Variants in SLC22A13 observed in about 807,000 individuals in gnomAD.
SLC22A13 encodes organic anion transporter 10.
Under a neutral mutation model 49.1 loss-of-function variants are expected in SLC22A13, and 42 were observed. The observed-to-expected ratio is 0.85, with a 90% CI of 0.67 to 1.11. SLC22A13 has a LOEUF of 1.11. SLC22A13 is among the 50% of genes least tolerant of loss of function. SLC22A13 has a pLI of 0.00. For missense variants in SLC22A13, 694 were observed against 712.8 expected (o/e 0.97, Z 0.30); for synonymous variants, 282 against 293.1 (o/e 0.96, Z 0.39).
intron 1 of SLC22A13, 139 bp downstream of exon 1, chr3:38,266,377 T>C: frequency 9.8e-7 from 1 of 1,015,670 alleles, no homozygotes; most frequent in Non-Finnish European, 1.4e-6. Context: ...TTTTTCATTT[T>C]GTCAATCTCA....
At chr3:38,269,458 A>C (rs1703496722) in intron 1 of SLC22A13, among the ~76,000 whole-genome samples, 3 of 152,078 alleles carry the variant, frequency 2.0e-5, no homozygotes, top group Admixed American at 1.3e-4. Context: ...GGGTTTCACC[A>C]TGTTGGCCAG....
At chr3:38,272,476 G>A (rs1703532699) in intron 1 of SLC22A13, among the ~76,000 whole-genome samples, 1 of 152,210 alleles carries the variant, frequency 6.6e-6, no homozygotes, top group African/African-American at 2.4e-5. Context: ...TGGGCTAACA[G>A]GCTCAAGGTC....
At position 38,275,905 on chromosome 3, in the gene SLC22A13, A is replaced by T. The variant is rs552951511; in HGVS notation, c.1046A>T (p.Tyr349Phe). 5.0e-6 allele frequency: 8 copies of T among 1,614,192 alleles called. No individual in the cohort carries two copies. The South Asian group carries it at 6.6e-5, about 13-fold the overall frequency. ...CVWFVDSLGY[Y>F]GLSLQVGDFG... is the part of the protein sequence containing the mutation. ...AGGTTTGTGGACAGTCTGGGGTACT[A>T]CGGCCTGAGCCTCCAAGTGGGGGAC... The change falls in exon 7 of 10, where the codon TAC (tyrosine) becomes TTC (phenylalanine). Residue 349 changes from tyrosine (Y) to phenylalanine (F), a missense_variant. Physicochemically the swap from Tyr to Phe is conservative, Grantham distance 22. Coordinates refer to ENST00000311856, the MANE Select transcript of SLC22A13 (RefSeq NM_004256.4).
chr3:38,266,680 T>G (rs976971047), intron 1 of SLC22A13, among the ~76,000 whole-genome samples: 1 of 152,174 alleles, frequency 6.6e-6, no homozygotes, highest in Non-Finnish European at 1.5e-5. Flanking sequence ...CCTGTCCATT[T>G]CACTGCCTTC....
intron 1 of SLC22A13, 49 bp from the exon 2 acceptor site, chr3:38,274,223 T>C (rs746035463): frequency 4.3e-5 from 60 of 1,379,536 alleles, no homozygotes; most frequent in Non-Finnish European, 6.0e-5. Context: ...GGTGTAGGGC[T>C]TGCCCTCCTT....
Position 38,275,607 on chromosome 3 carries a change from GA to G in SLC22A13, c.959del (p.Asn320MetfsTer14). The G allele has an allele frequency of 6.2e-7, 1 of 1,614,176 alleles. No individual in the cohort carries two copies. Among genetic ancestry groups the G allele is most frequent in the Admixed American group, 1.7e-5 (1 of 60,024 alleles). On this transcript the variant is annotated frameshift_variant, in exon 6 of 10. Transcript: ENST00000311856. LOFTEE classifies it high-confidence loss of function. ...LVPEKTGPSGNALDLFRHPQL... is the reference protein window; with the variant it reads ...LVPEKTGPSGXALDLFRHPQL... ...TCCCAGAGAAGACAGGCCCCTCAGG[GA>G]ATGCCCTGGATCTGTTCAGACACCC...
In SLC22A13 at chr3:38,266,093, G is replaced by T; in HGVS notation, c.233G>T (p.Gly78Val). 6.2e-7 allele frequency: 1 copy of T among 1,614,120 alleles called. No individual in the cohort carries two copies. The highest frequency in any genetic ancestry group is 8.5e-7 in the Non-Finnish European group (1 of 1,180,036). ...LVLSVPLDTA[G>V]HPEPCLMFRP... ...CTGAGCGTGCCCCTGGACACTGCAG[G>T]TCACCCAGAGCCCTGCCTCATGTTC... Residue 78 changes from glycine to valine, a missense_variant, in exon 1 of 10, where the codon GGT (glycine) becomes GTT (valine). Transcript: ENST00000311856.
intron 7 of SLC22A13, 72 bp downstream of exon 7, chr3:38,276,168 A>G (rs954879795): frequency 3.3e-6 from 5 of 1,507,346 alleles, no homozygotes; most frequent in Non-Finnish European, 4.6e-6. Flanking sequence ...ACCAGTGGCC[A>G]TTGTTCTGCT....
At chr3:38,271,345 A>T (rs1034686576) in intron 1 of SLC22A13, among the ~76,000 whole-genome samples, 2 of 151,956 alleles carry the variant, frequency 1.3e-5, no homozygotes, top group Non-Finnish European at 2.9e-5. Flanking sequence ...CAGGAGGATC[A>T]CTTGAGCCCA....
chr3:38,269,784 T>C (rs1002841041), intron 1 of SLC22A13, among the ~76,000 whole-genome samples: 6 of 152,076 alleles, frequency 3.9e-5, no homozygotes, highest in Admixed American at 2.0e-4. Context: ...GTTACATTTG[T>C]ATACATGTGC....
rs763348833 is a variant in SLC22A13, at chr3:38,266,042, AC to A, written c.184del (p.Leu62Ter). 3 of 1,613,920 alleles carry A rather than the reference AC, an allele frequency of 1.9e-6. No individual in the cohort carries two copies. The South Asian group carries it at 3.3e-5, about 18-fold the overall frequency. ...AVAWVKNHTF[N>X]LSAAEQLVLS... ...GCTTGGGTGAAGAACCACACTTTCA[AC>A]CTGAGTGCTGCTGAACAGCTGGTAC... On this transcript the variant is annotated frameshift_variant, in exon 1 of 10. Transcript: ENST00000311856. LOFTEE classifies it high-confidence loss of function.
chr3:38,276,370 G>A lies in SLC22A13; in HGVS notation c.1321G>A (p.Ala441Thr), dbSNP rs1211291075. 1 of 1,612,592 alleles carries A rather than the reference G, an allele frequency of 6.2e-7. No individual in the cohort carries two copies. Among genetic ancestry groups the A allele is most frequent in the Non-Finnish European group, 8.5e-7 (1 of 1,179,068 alleles). Residue 441 changes from alanine to threonine, a missense_variant, in exon 8 of 10, where the codon GCC (alanine) becomes ACC (threonine). Ala to Thr is a moderately conservative substitution (Grantham distance 58). Coordinates refer to ENST00000311856, the MANE Select transcript of SLC22A13 (RefSeq NM_004256.4). ...AAFTISYVYS[A>T]ELFPTILRQT... Reference sequence around the variant, plus strand: ...CTTTACCATCTCCTATGTGTACTCTGCCGAGCTTTTCCCCACCATCCTCCG... The same window carrying A: ...CTTTACCATCTCCTATGTGTACTCTACCGAGCTTTTCCCCACCATCCTCCG...
chr3:38,274,217 T>C, intron 1 of SLC22A13, 55 bp from the exon 2 acceptor site: 1 of 1,313,818 alleles, frequency 7.6e-7, no homozygotes, highest in Non-Finnish European at 1.1e-6. Context: ...ACAGGTGGTG[T>C]AGGGCTTGCC....
Position 38,276,110 on chromosome 3 carries a change from C to A in SLC22A13, c.1237+14C>A. On this transcript the variant is annotated intron_variant, in intron 7 of 9. Transcript: ENST00000311856. Reference sequence around the variant, plus strand: ...TCATCCCAGCAGGTATCAGGGCTGGCTATCCCTCACCCGCATGCCCCCTCA... The same window carrying A: ...TCATCCCAGCAGGTATCAGGGCTGGATATCCCTCACCCGCATGCCCCCTCA... 1 of 1,605,164 alleles carries A rather than the reference C, an allele frequency of 6.2e-7. No homozygotes were observed. Among genetic ancestry groups the A allele is most frequent in the Non-Finnish European group, 8.5e-7 (1 of 1,173,308 alleles).
chr3:38,266,302 C>T, intron 1 of SLC22A13, 64 bp downstream of exon 1: 1 of 1,554,606 alleles, frequency 6.4e-7, no homozygotes, highest in African/African-American at 1.4e-5. Context: ...GTGCCTGACT[C>T]TTCGCCCTCA....
chr3:38,276,161 A>G, intron 7 of SLC22A13, 65 bp downstream of exon 7: 4 of 1,513,270 alleles, frequency 2.6e-6, no homozygotes, highest in South Asian at 2.3e-5. Flanking sequence ...GGGCTAGACC[A>G]GTGGCCATTG....
chr3:38,271,426 C>T (rs1703519108), intron 1 of SLC22A13, among the ~76,000 whole-genome samples: 1 of 151,072 alleles, frequency 6.6e-6, no homozygotes, highest in African/African-American at 2.4e-5. Context: ...ATCAGCCAGG[C>T]ATGGTGGCAC....
chr3:38,276,818 T>C, intron 8 of SLC22A13, 94 bp from the exon 9 acceptor site: 1 of 1,104,810 alleles, frequency 9.1e-7, no homozygotes, highest in South Asian at 1.5e-5. Context: ...TGCAGACCTT[T>C]GAGGTCTGGA....
At position 38,274,704 on chromosome 3, in the gene SLC22A13, C is replaced by T. The variant is rs754445820; in HGVS notation, c.583C>T (p.Arg195Cys). 1.3e-5 allele frequency: 21 copies of T among 1,614,088 alleles called. No individual in the cohort carries two copies. The highest frequency in any genetic ancestry group is 2.7e-5 in the African/African-American group (2 of 74,958). The change falls in exon 3 of 10, where the codon CGC becomes TGC. Residue 195 changes from arginine to cysteine, a missense_variant. Physicochemically the swap from Arg to Cys is radical, Grantham distance 180. Transcript: ENST00000311856. ...CAGCTTTGAGCTCTACATGGCCCTGCGCTTTGCTGTGGCTACTGCCGTCGC... is the reference window on the plus strand; with the variant it reads ...CAGCTTTGAGCTCTACATGGCCCTGTGCTTTGCTGTGGCTACTGCCGTCGC... ...VPSFELYMAL[R>C]FAVATAVAGL...
Sources: allele counts gnomAD v4.1 joint callset (sites outside exome capture counted in the v4.1 genomes callset), GRCh38; gene constraint gnomAD v4.1.1; transcripts MANE v1.5; gene names NCBI Gene and HGNC (gene_info 2026-07-23, HGNC 2026-07-21).